HIVEP3: variants seen among roughly 807,000 people sequenced by gnomAD.
HIVEP3 encodes transcription factor HIVEP3.
A neutral mutation model predicts 152.8 loss-of-function variants in HIVEP3; 49 were observed. The observed-to-expected ratio is 0.32, with a 90% confidence interval of 0.26 to 0.41. The LOEUF is 0.41. Ranked by LOEUF, HIVEP3 falls within the 10% of genes least tolerant of loss-of-function variation. The pLI is 1.00. For missense variants in HIVEP3, 2,790 were observed against 3,103.3 expected (o/e 0.90, Z 2.40); for synonymous variants, 1,269 against 1,289.0 (o/e 0.98, Z 0.33).
At chr1:41,621,196 C>T (rs1256029831) in intron 3 of HIVEP3, among the ~76,000 whole-genome samples, 1 of 152,236 alleles carries the variant, frequency 6.6e-6, no homozygotes, top group Non-Finnish European at 1.5e-5. Flanking sequence ...ATGGTGCAGC[C>T]TCTTCCTCCC....
At chr1:41,655,582 C>CAAAAAAAAAAAA (rs55918119) in intron 2 of HIVEP3, among the ~76,000 whole-genome samples, 1 of 57,408 alleles carries the variant, frequency 1.7e-5, no homozygotes, top group African/African-American at 6.8e-5. Flanking sequence ...CACTCCATCT[C>CAAAAAAAAAAAA]AAAAAAAAAA....
At chr1:41,813,343 C>A (rs1324499505) in intron 1 of HIVEP3, among the ~76,000 whole-genome samples, 2 of 152,196 alleles carry the variant, frequency 1.3e-5, no homozygotes, top group Admixed American at 6.5e-5. Context: ...CTTGCCCTGT[C>A]TTTCTGGTGA....
At chr1:41,850,192 A>G (rs1643557411) in intron 1 of HIVEP3, among the ~76,000 whole-genome samples, 1 of 152,176 alleles carries the variant, frequency 6.6e-6, no homozygotes, top group Admixed American at 6.6e-5. Flanking sequence ...CAGAGACCAC[A>G]CTTTGAGAAC....
intron 6 of HIVEP3, among the ~76,000 whole-genome samples, chr1:41,522,382 A>G (rs1373509749): frequency 1.3e-5 from 2 of 152,174 alleles, no homozygotes; most frequent in Admixed American, 6.5e-5. Context: ...AGATTCCACC[A>G]TTTCCCATCT....
At chr1:41,766,453 G>A (rs936912038) in intron 1 of HIVEP3, among the ~76,000 whole-genome samples, 1 of 152,182 alleles carries the variant, frequency 6.6e-6, no homozygotes, top group Non-Finnish European at 1.5e-5. Context: ...GCCATTAATT[G>A]AGCACTTGCT....
intron 1 of HIVEP3, among the ~76,000 whole-genome samples, chr1:42,007,880 C>A (rs1289568634): frequency 6.6e-6 from 1 of 152,158 alleles, no homozygotes; most frequent in Non-Finnish European, 1.5e-5. Flanking sequence ...CCATGACAGT[C>A]CATGCTCTAG....
At chr1:41,982,792 C>A (rs1161994311) in intron 1 of HIVEP3, among the ~76,000 whole-genome samples, 1 of 152,170 alleles carries the variant, frequency 6.6e-6, no homozygotes, top group East Asian at 1.9e-4. Context: ...AATTGAAAGA[C>A]AGGGAGGGAC....
chr1:41,871,342 C>T (rs987193822), intron 1 of HIVEP3, among the ~76,000 whole-genome samples: 17 of 151,496 alleles, frequency 1.1e-4, no homozygotes, highest in African/African-American at 3.2e-4. Context: ...AGCACAATGA[C>T]GAACATGCAT....
At chr1:41,775,052 C>T (rs1648609507) in intron 1 of HIVEP3, among the ~76,000 whole-genome samples, 1 of 152,076 alleles carries the variant, frequency 6.6e-6, no homozygotes, top group African/African-American at 2.4e-5. Flanking sequence ...ATCCTCCCTC[C>T]TCGGTCTCCC....
At chr1:41,765,440 A>C (rs1449964692) in intron 1 of HIVEP3, among the ~76,000 whole-genome samples, 1 of 152,174 alleles carries the variant, frequency 6.6e-6, no homozygotes, top group African/African-American at 2.4e-5. Context: ...CAAGCTCTCA[A>C]GTCAGCCAGA....
chr1:41,748,600 G>A (rs1647108530), intron 1 of HIVEP3, among the ~76,000 whole-genome samples: 1 of 152,220 alleles, frequency 6.6e-6, no homozygotes, highest in African/African-American at 2.4e-5. Flanking sequence ...GCCAGGTACT[G>A]TTCTAAGTGC....
intron 1 of HIVEP3, among the ~76,000 whole-genome samples, chr1:41,829,644 A>G (rs1027416158): frequency 2.5e-4 from 38 of 152,056 alleles, no homozygotes; most frequent in African/African-American, 8.2e-4. Flanking sequence ...AAATGACAGA[A>G]GCAAGCACAT....
At chr1:41,863,572 T>G (rs1328697416) in intron 1 of HIVEP3, among the ~76,000 whole-genome samples, 2 of 152,244 alleles carry the variant, frequency 1.3e-5, no homozygotes, top group Non-Finnish European at 2.9e-5. Flanking sequence ...CAGTGGGCAT[T>G]ATGCTTTCTG....
At chr1:41,726,035 G>A (rs1646747372) in intron 1 of HIVEP3, among the ~76,000 whole-genome samples, 1 of 152,178 alleles carries the variant, frequency 6.6e-6, no homozygotes, top group Non-Finnish European at 1.5e-5. Flanking sequence ...GCAAGGTGAG[G>A]CATGCTAACC....
chr1:41,552,441 C>G (rs1643904633), intron 5 of HIVEP3, among the ~76,000 whole-genome samples: 1 of 146,278 alleles, frequency 6.8e-6, no homozygotes, highest in Admixed American at 6.9e-5. Context: ...TTGTTCAATT[C>G]CCACCTATGA....
Position 41,511,120 on chromosome 1 carries a change from G to A in HIVEP3, c.6552C>T (p.Ser2184=). The change falls in exon 9 of 9, where the codon TCC becomes TCT. Residue 2184 remains serine, a synonymous_variant. Coordinates refer to ENST00000372583, the MANE Select transcript of HIVEP3 (RefSeq NM_024503.5). This position sits in a 1 kb window ranked among gnomAD's most constrained non-coding sequence, Gnocchi z 4.9. ...ENIFSHLPLH[S]QHLTRAPCPL... is the part of the protein sequence containing the mutation. ...GACATGGGGCACGGGTCAAGTGCTG[G>A]GAGTGCAGAGGCAGGTGGCTGAAGA... 1 of 1,614,220 alleles carries A rather than the reference G, an allele frequency of 6.2e-7. No individual in the cohort carries two copies.
intron 3 of HIVEP3, among the ~76,000 whole-genome samples, chr1:41,604,600 A>G (rs1423067980): frequency 4.6e-5 from 7 of 152,176 alleles, no homozygotes; most frequent in Admixed American, 1.3e-4. Flanking sequence ...ACCTCTCACC[A>G]TGTAAGAATG....
At chr1:41,961,111 T>TC in intron 1 of HIVEP3, among the ~76,000 whole-genome samples, 1 of 152,198 alleles carries the variant, frequency 6.6e-6, no homozygotes, top group Non-Finnish European at 1.5e-5. Flanking sequence ...TGTGCCAAGT[T>TC]CTAACATTCC....
At chr1:41,936,277 G>T (rs1052907923) in intron 1 of HIVEP3, among the ~76,000 whole-genome samples, 1 of 152,022 alleles carries the variant, frequency 6.6e-6, no homozygotes, top group African/African-American at 2.4e-5. Flanking sequence ...ACTCATGTGC[G>T]AGTCAAGATG....
Sources: allele counts gnomAD v4.1 joint callset (sites outside exome capture counted in the v4.1 genomes callset), GRCh38; gene constraint gnomAD v4.1.1; non-coding constraint Gnocchi (gnomAD v3.1); transcripts MANE v1.5; gene names NCBI Gene and HGNC (gene_info 2026-07-23, HGNC 2026-07-21).